PSMB7: variants seen among roughly 807,000 people sequenced by gnomAD.
PSMB7 encodes the protein proteasome 20S subunit beta 7, also known as proteasome subunit beta type-7.
PSMB7 carries 5 observed loss-of-function variants against 28.1 expected under a neutral mutation model. The ratio of observed to expected loss-of-function variants is 0.18; its 90% CI spans 0.09 to 0.37. The LOEUF (loss-of-function observed/expected upper bound fraction) is 0.37. PSMB7 is among the 10% of genes least tolerant of loss of function. The pLI is 1.00. For synonymous variants in PSMB7, 122 were observed against 123.7 expected, an observed-to-expected ratio of 0.99 and a Z score of 0.09; for missense variants, 275 against 346.2, an observed-to-expected ratio of 0.79 and a Z score of 1.63.
chr9:124,354,959 G>A (rs965829956), intron 7 of PSMB7, among the ~76,000 whole-genome samples: 14 of 152,368 alleles, frequency 9.2e-5, no homozygotes, highest in Admixed American at 7.2e-4. Context: ...CTGCAAGACC[G>A]TGTGCTGGAG....
chr9:124,358,469 T>C (rs995280408), intron 6 of PSMB7, among the ~76,000 whole-genome samples: 1 of 152,192 alleles, frequency 6.6e-6, no homozygotes, highest in East Asian at 1.9e-4. Flanking sequence ...TAAGAATGCA[T>C]TCAAACGGGA....
At chr9:124,397,542 C>T (rs1423378941) in intron 5 of PSMB7, among the ~76,000 whole-genome samples, 1 of 152,200 alleles carries the variant, frequency 6.6e-6, no homozygotes, top group Non-Finnish European at 1.5e-5. Context: ...GTAGCCAATA[C>T]AGGCCCATGG....
intron 6 of PSMB7, among the ~76,000 whole-genome samples, chr9:124,367,454 T>C (rs561512553): frequency 6.6e-6 from 1 of 152,094 alleles, no homozygotes; most frequent in African/African-American, 2.4e-5. Context: ...CCTCCAGGCA[T>C]ACACAGCATT....
intron 6 of PSMB7, among the ~76,000 whole-genome samples, chr9:124,371,560 C>A (rs930961361): frequency 5.3e-5 from 8 of 152,112 alleles, no homozygotes; most frequent in Admixed American, 2.0e-4. Context: ...TCTTTTATTT[C>A]TTTTCCCAAT....
chr9:124,412,945 A>G (rs1831044401), intron 3 of PSMB7, among the ~76,000 whole-genome samples: 1 of 152,104 alleles, frequency 6.6e-6, no homozygotes, highest in Admixed American at 6.5e-5. Context: ...ATAACACATA[A>G]TTTAATACAC....
chr9:124,415,158 G>T, intron 1 of PSMB7: 3 of 640,872 alleles, frequency 4.7e-6, no homozygotes, highest in Non-Finnish European at 8.0e-6. Context: ...AACGGTGGCC[G>T]AGTGCGCTGG....
At chr9:124,360,917 G>A (rs138075880) in intron 6 of PSMB7, among the ~76,000 whole-genome samples, 2 of 152,262 alleles carry the variant, frequency 1.3e-5, no homozygotes, top group African/African-American at 4.8e-5. Context: ...CTTAATAAAT[G>A]GTAAGTTATT....
intron 5 of PSMB7, among the ~76,000 whole-genome samples, chr9:124,401,976 G>A (rs1293264824): frequency 6.7e-6 from 1 of 150,274 alleles, no homozygotes. Flanking sequence ...CAGAGATCAT[G>A]CCACTGCACA....
chr9:124,398,263 C>T (rs1468359929), intron 5 of PSMB7, among the ~76,000 whole-genome samples: 1 of 151,028 alleles, frequency 6.6e-6, no homozygotes, highest in Non-Finnish European at 1.5e-5. Flanking sequence ...GTAAAGAAGG[C>T]AGGGAGGGGA....
chr9:124,360,645 G>A (rs1051593336), intron 6 of PSMB7, among the ~76,000 whole-genome samples: 4 of 152,236 alleles, frequency 2.6e-5, no homozygotes, highest in African/African-American at 9.6e-5. Flanking sequence ...CAGACGCTCA[G>A]CTAAAAGATC....
chr9:124,354,382 G>A (rs1293990858), intron 7 of PSMB7, among the ~76,000 whole-genome samples: 2 of 152,214 alleles, frequency 1.3e-5, no homozygotes, highest in Non-Finnish European at 2.9e-5. Context: ...AGTGGGTCAG[G>A]AATTAGGATA....
At chr9:124,375,647 A>G (rs773802932) in intron 6 of PSMB7, among the ~76,000 whole-genome samples, 2 of 152,248 alleles carry the variant, frequency 1.3e-5, no homozygotes, top group African/African-American at 2.4e-5. Context: ...GCGCCATAAG[A>G]AAAACAGCCT....
intron 5 of PSMB7, among the ~76,000 whole-genome samples, chr9:124,393,264 A>G (rs1477245383): frequency 6.6e-6 from 1 of 152,228 alleles, no homozygotes; most frequent in Non-Finnish European, 1.5e-5. Context: ...AATTGTATGC[A>G]TGCATTTCAT....
chr9:124,397,304 T>C (rs556851540), intron 5 of PSMB7, among the ~76,000 whole-genome samples: 56 of 152,320 alleles, frequency 3.7e-4, no homozygotes, highest in Non-Finnish European at 5.7e-4. Flanking sequence ...GTCAATGTGA[T>C]GTTCACAAAG....
At chr9:124,411,595 TA>T (rs1180969746) in intron 4 of PSMB7, among the ~76,000 whole-genome samples, 1 of 152,238 alleles carries the variant, frequency 6.6e-6, no homozygotes, top group Non-Finnish European at 1.5e-5. Context: ...CTGCCTCTCT[TA>T]TGAGAAGCAA....
intron 6 of PSMB7, among the ~76,000 whole-genome samples, chr9:124,361,421 T>C (rs1017178833): frequency 6.6e-6 from 1 of 152,174 alleles, no homozygotes; most frequent in Non-Finnish European, 1.5e-5. Context: ...ACCCGAGTGC[T>C]TGAGGGGACA....
chr9:124,376,786 G>A (rs555298335), intron 6 of PSMB7, among the ~76,000 whole-genome samples: 1 of 152,330 alleles, frequency 6.6e-6, no homozygotes, highest in South Asian at 2.1e-4. Flanking sequence ...GGGCTCTAAC[G>A]TCAGGCTGAC....
chr9:124,393,963 G>A (rs1830817515), intron 5 of PSMB7, among the ~76,000 whole-genome samples: 2 of 152,248 alleles, frequency 1.3e-5, no homozygotes, highest in African/African-American at 2.4e-5. Context: ...CCGGGAAACC[G>A]AAGCTGAGTG....
At chr9:124,373,466 G>C (rs746629265) in intron 6 of PSMB7, among the ~76,000 whole-genome samples, 1 of 152,116 alleles carries the variant, frequency 6.6e-6, no homozygotes, top group Admixed American at 6.5e-5. Context: ...CAGGAATTAC[G>C]ACCAAAAGCA....
Sources: allele counts gnomAD v4.1 joint callset (sites outside exome capture counted in the v4.1 genomes callset), GRCh38; gene constraint gnomAD v4.1.1; transcripts MANE v1.5; gene names NCBI Gene and HGNC (gene_info 2026-07-23, HGNC 2026-07-21).